DACH1: variants seen among roughly 807,000 people sequenced by gnomAD.
DACH1 encodes dachshund homolog 1.
DACH1 carries 12 observed loss-of-function variants against 54.2 expected under a neutral mutation model. The ratio of observed to expected loss-of-function variants is 0.22; its 90% CI spans 0.14 to 0.36. The LOEUF (loss-of-function observed/expected upper bound fraction) is 0.36, where lower values mean the gene tolerates loss of function less well. Ranked by LOEUF, DACH1 falls within the 10% of genes least tolerant of loss-of-function variation. DACH1 has a pLI of 1.00. For synonymous variants in DACH1, 386 were observed against 366.2 expected (o/e 1.05, Z -0.62); for missense variants, 805 against 929.8 (o/e 0.87, Z 1.75).
At chr13:71,641,405 T>C (rs527291750) in intron 2 of DACH1, among the ~76,000 whole-genome samples, 26 of 152,210 alleles carry the variant, frequency 1.7e-4, no homozygotes, top group African/African-American at 5.5e-4. Flanking sequence ...TGAGGCATTA[T>C]ATTTTTTACT....
chr13:71,792,371 C>CA (rs57212139), intron 1 of DACH1, among the ~76,000 whole-genome samples: 1 of 147,970 alleles, frequency 6.8e-6, no homozygotes, highest in African/African-American at 2.5e-5. Flanking sequence ...CACACACACA[C>CA]CCCTGGAATC....
chr13:71,835,862 T>G (rs139001415), intron 1 of DACH1, among the ~76,000 whole-genome samples: 4 of 152,056 alleles, frequency 2.6e-5, no homozygotes, highest in African/African-American at 7.2e-5. Context: ...TTTCTAACAT[T>G]CTCCTACAAA....
chr13:71,651,649 C>A (rs1878677175), intron 2 of DACH1, among the ~76,000 whole-genome samples: 1 of 148,812 alleles, frequency 6.7e-6, no homozygotes, highest in Admixed American at 6.8e-5. Context: ...GATAAGAATG[C>A]ATGTATATGT....
intron 10 of DACH1, among the ~76,000 whole-genome samples, chr13:71,474,565 C>A (rs927320735): frequency 6.6e-6 from 1 of 152,130 alleles, no homozygotes; most frequent in South Asian, 2.1e-4. Flanking sequence ...CTCTTCTGAG[C>A]ATTTAATACA....
chr13:71,866,729 A>G lies in DACH1; in HGVS notation c.41T>C (p.Val14Ala). 7.0e-7 allele frequency: 1 copy of G among 1,434,240 alleles called. No individual in the cohort carries two copies. Among genetic ancestry groups the G allele is most frequent in the Admixed American group, 2.3e-5 (1 of 43,630 alleles). The allele number at this position is 1,434,240 out of a possible 1,614,324, so 88.8% of individuals were successfully genotyped here. The change falls in exon 1 of 11, where the codon GTC (valine) becomes GCC (alanine). Residue 14 changes from valine (V) to alanine (A), a missense_variant. This residue lies in a region of DACH1 where 305 missense variants were observed against 308.7 expected (regional missense o/e 0.99). Transcript: ENST00000613252. Reference sequence around the variant, plus strand: ...CGTGGAGATTGGGGGTTGAGGGGGGACCAGCTGGGTCGGAGGGATCAAAGC... The same window carrying G: ...CGTGGAGATTGGGGGTTGAGGGGGGGCCAGCTGGGTCGGAGGGATCAAAGC... ...PAALIPPTQL[V>A]PPQPPISTSA...
At chr13:71,861,194 T>G in intron 1 of DACH1, among the ~76,000 whole-genome samples, 1 of 151,966 alleles carries the variant, frequency 6.6e-6, no homozygotes, top group East Asian at 1.9e-4. Flanking sequence ...GTGTCAAATG[T>G]GAATACCAGA....
At chr13:71,625,357 T>C (rs904785044) in intron 3 of DACH1, among the ~76,000 whole-genome samples, 21 of 151,920 alleles carry the variant, frequency 1.4e-4, no homozygotes, top group South Asian at 2.1e-4. Context: ...CTCCAAGAGT[T>C]TTTCCTGAAA....
At chr13:71,823,933 C>T (rs1351428860) in intron 1 of DACH1, among the ~76,000 whole-genome samples, 2 of 151,940 alleles carry the variant, frequency 1.3e-5, no homozygotes, top group Non-Finnish European at 2.9e-5. Flanking sequence ...ATATCAAACA[C>T]TTGCCAAATT....
intron 6 of DACH1, among the ~76,000 whole-genome samples, chr13:71,519,426 A>C (rs938021687): frequency 4.0e-5 from 6 of 151,818 alleles, no homozygotes; most frequent in Non-Finnish European, 7.4e-5. Flanking sequence ...TGGTAGGAAC[A>C]ATAGTTACCC....
At chr13:71,509,473 T>C (rs1175006259) in intron 6 of DACH1, among the ~76,000 whole-genome samples, 1 of 152,094 alleles carries the variant, frequency 6.6e-6, no homozygotes, top group Non-Finnish European at 1.5e-5. Flanking sequence ...ACAAATAATA[T>C]GTCTAAGTAC....
chr13:71,801,810 A>G (rs1887299794), intron 1 of DACH1, among the ~76,000 whole-genome samples: 1 of 151,904 alleles, frequency 6.6e-6, no homozygotes, highest in Non-Finnish European at 1.5e-5. Flanking sequence ...CCAGTCACAC[A>G]GAATTACAAT....
At chr13:71,693,699 G>A (rs1450048761) in intron 1 of DACH1, among the ~76,000 whole-genome samples, 1 of 152,010 alleles carries the variant, frequency 6.6e-6, no homozygotes, top group African/African-American at 2.4e-5. Context: ...CTCTGAATGA[G>A]AGAAAGAGAG....
At chr13:71,846,739 A>G (rs540604641) in intron 1 of DACH1, among the ~76,000 whole-genome samples, 1 of 152,330 alleles carries the variant, frequency 6.6e-6, no homozygotes, top group African/African-American at 2.4e-5. Flanking sequence ...TATTACCTCT[A>G]CTTGTCAGGT....
At position 71,665,725 on chromosome 13, in the gene DACH1, C is replaced by A. The variant is rs574558242; in HGVS notation, c.964+16070G>T. Among the ~76,000 whole-genome samples, 111 of 151,986 alleles carry A rather than the reference C, an allele frequency of 7.3e-4. 1 individual carries two copies. The highest frequency in any genetic ancestry group is 7.1e-4 in the Non-Finnish European group (48 of 67,922). On this transcript the variant is annotated intron_variant, in intron 2 of 10. Transcript: ENST00000613252. ...AACAATTTTTTATCAATGAAAAATT[C>A]AATTCATCTTCTTTCAATTCTGATC... is the stretch of plus-strand genomic sequence containing the variant.
chr13:71,449,742 A>C (rs1439423919), intron 10 of DACH1, among the ~76,000 whole-genome samples: 1 of 152,140 alleles, frequency 6.6e-6, no homozygotes. Flanking sequence ...TATGAAGTAA[A>C]GTTCTTGATT....
At position 71,557,852 on chromosome 13, in the gene DACH1, A is replaced by G. The variant is rs138138525; in HGVS notation, c.1436-694T>C. Among the ~76,000 whole-genome samples, 729 of 151,846 alleles carry G rather than the reference A, an allele frequency of 4.8e-3. 6 individuals carry two copies. The highest frequency in any genetic ancestry group is 0.017 in the African/African-American group (700 of 41,498). ...ATAAATGGCCTGTACTAAAAAAAAA[A>G]AAAAAAAAAGTTACTGAAAGACAAA... On this transcript the variant is annotated intron_variant, in intron 5 of 10. Coordinates refer to ENST00000613252, the MANE Select transcript of DACH1 (RefSeq NM_080759.6).
intron 1 of DACH1, among the ~76,000 whole-genome samples, chr13:71,858,601 A>G (rs1182699067): frequency 6.6e-6 from 1 of 151,716 alleles, no homozygotes; most frequent in Non-Finnish European, 1.5e-5. Flanking sequence ...AGAAAATATA[A>G]TCACCACGTT....
At chr13:71,592,095 T>A (rs1873751337) in intron 3 of DACH1, among the ~76,000 whole-genome samples, 1 of 152,146 alleles carries the variant, frequency 6.6e-6, no homozygotes, top group Non-Finnish European at 1.5e-5. Flanking sequence ...AAATTCTGTG[T>A]AATATAGCAA....
intron 2 of DACH1, among the ~76,000 whole-genome samples, chr13:71,664,778 T>G (rs1301602708): frequency 6.6e-6 from 1 of 152,166 alleles, no homozygotes; most frequent in East Asian, 1.9e-4. Context: ...TCCAAAATCT[T>G]GTAATAATAA....
Sources: gnomAD v4.1 joint callset for allele counts (sites outside exome capture counted in the v4.1 genomes callset) on GRCh38, gnomAD v4.1.1 for gene constraint, gnomAD v4.1.1 regional missense constraint, MANE v1.5 for transcripts, NCBI Gene and HGNC (gene_info 2026-07-23, HGNC 2026-07-21) for gene names.